Variants in PCDHA3 observed in about 807,000 individuals in gnomAD.
The protein encoded by PCDHA3 is protocadherin alpha 3.
In PCDHA3, 41 loss-of-function variants were observed where a neutral mutation model predicts 62.2. That is an observed-to-expected ratio of 0.66 (90% CI 0.51 to 0.86). The LOEUF (loss-of-function observed/expected upper bound fraction) is 0.86, where lower values mean the gene tolerates loss of function less well. Ranked by LOEUF, PCDHA3 falls within the 40% of genes least tolerant of loss-of-function variation. The pLI is 0.00. For missense variants in PCDHA3, 1,304 were observed against 1,241.2 expected (o/e 1.05, Z -0.76); for synonymous variants, 640 against 555.4 (o/e 1.15, Z -2.14).
rs781784518 is a variant in PCDHA3, at chr5:140,857,448, A to G, written c.2394+53857A>G. The G allele has an allele frequency of 6.3e-7, 1 of 1,597,896 alleles. No homozygotes were observed. Among genetic ancestry groups the G allele is most frequent in the Non-Finnish European group, 8.6e-7 (1 of 1,167,724 alleles). ...TACACGGTGTTCGTGAAGGAGAACA[A>G]CCCGCCAGGCTGCCACATCTTCACG... On this transcript the variant is annotated intron_variant, in intron 1 of 3. Coordinates refer to ENST00000522353, the MANE Select transcript of PCDHA3 (RefSeq NM_018906.3).
chr5:140,870,397 C>T (rs1554164199), intron 1 of PCDHA3: 2 of 1,614,230 alleles, frequency 1.2e-6, no homozygotes, highest in South Asian at 1.1e-5. Flanking sequence ...TGGGGGTTCG[C>T]CTTCTCTGTG....
chr5:140,886,095 T>C (rs1229514130), intron 1 of PCDHA3, among the ~76,000 whole-genome samples: 2 of 152,200 alleles, frequency 1.3e-5, no homozygotes, highest in Non-Finnish European at 2.9e-5. Flanking sequence ...ATATTGACAT[T>C]GATACAGTAA....
At chr5:140,999,143 A>G (rs2097848811) in intron 3 of PCDHA3, among the ~76,000 whole-genome samples, 1 of 152,214 alleles carries the variant, frequency 6.6e-6, no homozygotes, top group Non-Finnish European at 1.5e-5. Context: ...CACAGCCGGA[A>G]GTCTTCAGTC....
chr5:140,984,641 C>T (rs2153834832), intron 3 of PCDHA3, among the ~76,000 whole-genome samples: 1 of 152,276 alleles, frequency 6.6e-6, no homozygotes, highest in South Asian at 2.1e-4. Context: ...TCTCTGCCTT[C>T]TCCCTGTCCT....
chr5:140,876,022 A>G lies in PCDHA3; in HGVS notation c.2394+72431A>G, dbSNP rs782132751. ...TGAGAATTTTGAGCTTAAAATAAAA[A>G]CAAAAAAAGATAAAAGTATATTGCC... On this transcript the variant is annotated intron_variant, in intron 1 of 3. Coordinates refer to ENST00000522353, the MANE Select transcript of PCDHA3 (RefSeq NM_018906.3). 1.7e-5 allele frequency: 28 copies of G among 1,613,632 alleles called. No homozygotes were observed. The highest frequency in any genetic ancestry group is 2.2e-5 in the Non-Finnish European group (26 of 1,179,850).
chr5:140,887,101 CT>C (rs200717289), intron 1 of PCDHA3, among the ~76,000 whole-genome samples: 3,245 of 145,086 alleles, frequency 0.022, 87 homozygotes, highest in African/African-American at 0.074. Flanking sequence ...ATCTTTATCT[CT>C]TTTTTTTTTT....
At chr5:140,870,938 C>G in intron 1 of PCDHA3, 1 of 1,613,724 alleles carries the variant, frequency 6.2e-7, no homozygotes, top group Non-Finnish European at 8.5e-7. Flanking sequence ...GAATTGCAGC[C>G]GGCGGCGGGC....
chr5:140,849,523 T>A (rs2150439737), intron 1 of PCDHA3: 1 of 1,597,506 alleles, frequency 6.3e-7, no homozygotes, highest in African/African-American at 1.3e-5. Flanking sequence ...GTTGTGGATG[T>A]AAATGACAAT....
At position 140,802,081 on chromosome 5, in the gene PCDHA3, T is replaced by G; in HGVS notation, c.884T>G (p.Leu295Ter). The change falls in exon 1 of 4, where the codon TTA (leucine) becomes TGA (stop). Residue 295 changes from leucine (L) to a stop codon, truncating the protein, a stop_gained. Transcript: ENST00000522353. LOFTEE classifies it high-confidence loss of function. ...MSADILSKFH[L>*]DPVNGQISVK... ...GCAGATATTCTGTCAAAATTCCATT[T>G]AGATCCAGTCAATGGACAAATCAGT... 6.2e-7 allele frequency: 1 copy of G among 1,614,222 alleles called. No homozygotes were observed. Among genetic ancestry groups the G allele is most frequent in the Non-Finnish European group, 8.5e-7 (1 of 1,180,038 alleles).
chr5:141,000,776 G>A (rs1455881211), intron 3 of PCDHA3, among the ~76,000 whole-genome samples: 1 of 151,562 alleles, frequency 6.6e-6, no homozygotes, highest in Non-Finnish European at 1.5e-5. Context: ...GCATAGTGGC[G>A]CACACCTGTA....
At chr5:140,873,403 GT>G (rs2054272319) in intron 1 of PCDHA3, among the ~76,000 whole-genome samples, 1 of 152,046 alleles carries the variant, frequency 6.6e-6, no homozygotes, top group South Asian at 2.1e-4. Flanking sequence ...TTCAGTACAG[GT>G]TAAAATTTTG....
chr5:140,803,798 T>C, intron 1 of PCDHA3: 1 of 793,240 alleles, frequency 1.3e-6, no homozygotes, highest in Admixed American at 3.0e-5. Context: ...ATATCCACAC[T>C]TGTAATTTTG....
Position 140,857,721 on chromosome 5 carries a change from AC to A in PCDHA3, c.2394+54131del, listed in dbSNP as rs1554150568. ...CTGCAGGTGTTCGTGCTGGACGAGA[AC>A]GACAACGCTCCCGCGCTGCTGGCGT... On this transcript the variant is annotated intron_variant, in intron 1 of 3. Transcript: ENST00000522353. 4.4e-6 allele frequency: 7 copies of A among 1,597,360 alleles called. 1 individual carries two copies. In the Admixed American group the frequency reaches 1.0e-4, roughly 23 times the overall value.
chr5:140,882,406 C>T, intron 1 of PCDHA3: 3 of 1,614,138 alleles, frequency 1.9e-6, no homozygotes, highest in Non-Finnish European at 2.5e-6. Context: ...CCTTCGTGGG[C>T]CGCATCGCTC....
chr5:140,885,792 C>T (rs2060715375), intron 1 of PCDHA3, among the ~76,000 whole-genome samples: 1 of 151,834 alleles, frequency 6.6e-6, no homozygotes, highest in Non-Finnish European at 1.5e-5. Context: ...AGCATATTGT[C>T]ATATGTATTT....
intron 1 of PCDHA3, chr5:140,828,110 G>A (rs2150151051): frequency 6.2e-7 from 1 of 1,611,644 alleles, no homozygotes; most frequent in African/African-American, 1.3e-5. Flanking sequence ...TACCCCGGAG[G>A]ATAGATTGGG....
chr5:140,823,758 A>T (rs1767862573), intron 1 of PCDHA3: 3 of 1,613,872 alleles, frequency 1.9e-6, no homozygotes, highest in Non-Finnish European at 2.5e-6. Flanking sequence ...TGACAGCCAC[A>T]GCCACAGTGC....
In PCDHA3 at chr5:140,803,346, CT is replaced by C. The variant is rs781805897; in HGVS notation, c.2150del (p.Leu717HisfsTer96). 6 of 1,614,078 alleles carry C rather than the reference CT, an allele frequency of 3.7e-6. No individual in the cohort carries two copies. In the Admixed American group the frequency reaches 8.3e-5, roughly 22 times the overall value. ...CAGTCTGTTGGTGCTCACACTGCTG[CT>C]ATATACTGCTCTGCGGTGCTCCGCG... Reference protein sequence around the residue: ...VSSLLVLTLLLYTALRCSAPP... With the variant: ...VSSLLVLTLLXYTALRCSAPP... On this transcript the variant is annotated frameshift_variant, in exon 1 of 4. Coordinates refer to ENST00000522353, the MANE Select transcript of PCDHA3 (RefSeq NM_018906.3). LOFTEE classifies it high-confidence loss of function.
At chr5:140,845,287 C>A (rs918574993) in intron 1 of PCDHA3, among the ~76,000 whole-genome samples, 1 of 149,322 alleles carries the variant, frequency 6.7e-6, no homozygotes, top group Non-Finnish European at 1.5e-5. Flanking sequence ...TATTTCCTAT[C>A]CTGTCTATGT....
Sources: allele counts gnomAD v4.1 joint callset (sites outside exome capture counted in the v4.1 genomes callset), GRCh38; gene constraint gnomAD v4.1.1; transcripts MANE v1.5; gene names NCBI Gene and HGNC (gene_info 2026-07-23, HGNC 2026-07-21).